The following CFAP96 variants were observed in gnomAD, a reference collection of about 807,000 sequenced individuals.
CFAP96 encodes the protein cilia and flagella associated protein 96.
chr4:185,432,010 TAAAC>T, the CFAP96 span: 3 of 1,551,548 alleles, frequency 1.9e-6, no homozygotes, highest in Non-Finnish European at 2.6e-6. Context: ...CAAGCAAAAA[TAAAC>T]AGATGCTACC....
At chr4:185,432,200 C>T in the CFAP96 span, 1 of 1,549,452 alleles carries the variant, frequency 6.5e-7, no homozygotes, top group Non-Finnish European at 8.7e-7. Flanking sequence ...AGAGAAAAAG[C>T]CGTAAGTGTT....
At chr4:185,413,274 G>A in the CFAP96 span, among the ~76,000 whole-genome samples, 8 of 152,284 alleles carry the variant, frequency 5.3e-5, no homozygotes, top group East Asian at 1.5e-3. Flanking sequence ...TGTAACCCCA[G>A]CTGCTCAGGA....
chr4:185,413,023 T>A, the CFAP96 span, among the ~76,000 whole-genome samples: 6 of 152,226 alleles, frequency 3.9e-5, no homozygotes, highest in Admixed American at 6.5e-5. Flanking sequence ...TATCCTACAG[T>A]GGCTGGGCAT....
the CFAP96 span, chr4:185,432,031 G>A: frequency 2.6e-6 from 4 of 1,551,482 alleles, no homozygotes; most frequent in African/African-American, 2.7e-5. Flanking sequence ...TACCTGGAGG[G>A]TCCAAAGAAA....
chr4:185,443,342 A>ATAT, the CFAP96 span, among the ~76,000 whole-genome samples: 13 of 26,728 alleles, frequency 4.9e-4, no homozygotes, highest in African/African-American at 6.9e-4. Context: ...ATATATATAT[A>ATAT]TTTTTTTTTT....
chr4:185,436,712 AAATAAT>A, the CFAP96 span, among the ~76,000 whole-genome samples: 17 of 144,126 alleles, frequency 1.2e-4, no homozygotes, highest in South Asian at 4.4e-4. Flanking sequence ...TCCGTCTCAA[AAATAAT>A]AATAATAATA....
the CFAP96 span, among the ~76,000 whole-genome samples, chr4:185,409,567 G>C: frequency 1.3e-5 from 2 of 152,106 alleles, no homozygotes; most frequent in East Asian, 3.9e-4. Flanking sequence ...CCAACAATTA[G>C]AGAATATATA....
chr4:185,432,318 A>G, the CFAP96 span: 1 of 769,690 alleles, frequency 1.3e-6, no homozygotes, highest in Non-Finnish European at 2.1e-6. Context: ...TATTATTCTT[A>G]GTTTGTCTTA....
the CFAP96 span, chr4:185,429,593 A>AT: frequency 1.3e-6 from 1 of 794,846 alleles, no homozygotes; most frequent in Non-Finnish European, 2.0e-6. Flanking sequence ...AAGTCAAATG[A>AT]TTTTTTAATG....
chr4:185,415,613 G>GA, the CFAP96 span: 10 of 1,141,824 alleles, frequency 8.8e-6, no homozygotes, highest in South Asian at 1.7e-5. Context: ...TAAACAAGGA[G>GA]AAAATCACAC....
chr4:185,428,228 T>G, the CFAP96 span, among the ~76,000 whole-genome samples: 1 of 152,008 alleles, frequency 6.6e-6, no homozygotes, highest in African/African-American at 2.4e-5. Flanking sequence ...GAGGTAAGTA[T>G]TCTTAGCTCC....
At chr4:185,440,512 A>T in the CFAP96 span, 1 of 1,405,086 alleles carries the variant, frequency 7.1e-7, no homozygotes, top group Non-Finnish European at 9.5e-7. Context: ...AATTTGTGCT[A>T]TGTAATTTCA....
At chr4:185,434,901 C>T in the CFAP96 span, among the ~76,000 whole-genome samples, 9 of 152,124 alleles carry the variant, frequency 5.9e-5, no homozygotes, top group African/African-American at 7.2e-5. Flanking sequence ...CCACCACGCC[C>T]GGCTAGTTTT....
the CFAP96 span, among the ~76,000 whole-genome samples, chr4:185,409,585 C>T: frequency 6.6e-6 from 1 of 152,100 alleles, no homozygotes; most frequent in African/African-American, 2.4e-5. Context: ...ATATTCTGCC[C>T]AAGCACAGAT....
At chr4:185,440,010 G>GAT in the CFAP96 span, among the ~76,000 whole-genome samples, 1 of 147,524 alleles carries the variant, frequency 6.8e-6, no homozygotes, top group Non-Finnish European at 1.5e-5. Flanking sequence ...ATGAGATATA[G>GAT]ATAATCTCAT....
At chr4:185,449,455 T>A in the CFAP96 span, 1 of 514,780 alleles carries the variant, frequency 1.9e-6, no homozygotes, top group Non-Finnish European at 3.5e-6. Context: ...CCTAGGAGGT[T>A]GAGGTTGCAG....
the CFAP96 span, among the ~76,000 whole-genome samples, chr4:185,418,264 A>G: frequency 6.6e-6 from 1 of 152,206 alleles, no homozygotes; most frequent in Non-Finnish European, 1.5e-5. Flanking sequence ...TATTATAATC[A>G]GACAAAAACT....
the CFAP96 span, among the ~76,000 whole-genome samples, chr4:185,448,264 G>T: frequency 6.6e-6 from 1 of 152,162 alleles, no homozygotes; most frequent in South Asian, 2.1e-4. Context: ...CAGGTGATCC[G>T]CCCGCCTCAG....
At chr4:185,439,926 TATATATACATATATGTATCATATATATG>T in the CFAP96 span, among the ~76,000 whole-genome samples, 1 of 144,804 alleles carries the variant, frequency 6.9e-6, no homozygotes, top group South Asian at 2.1e-4. Flanking sequence ...ATATATATGA[TATATATACATATATGTATCATATATATG>T]ATATATACAT....
Sources: gnomAD v4.1 joint callset for allele counts (sites outside exome capture counted in the v4.1 genomes callset) on GRCh38, gnomAD v4.1.1 for gene constraint, MANE v1.5 for transcripts, NCBI Gene and HGNC (gene_info 2026-07-23, HGNC 2026-07-21) for gene names.